The following CAMTA1 variants were observed in gnomAD, a reference collection of about 807,000 sequenced individuals.
CAMTA1 encodes calmodulin binding transcription activator 1.
CAMTA1 carries 27 observed loss-of-function variants against 170.9 expected under a neutral mutation model. That is an observed-to-expected ratio of 0.16 (90% confidence interval 0.12 to 0.22). The LOEUF (loss-of-function observed/expected upper bound fraction) is 0.22, where lower values mean the gene tolerates loss of function less well. CAMTA1 is among the 10% of genes least tolerant of loss of function. The pLI is 1.00. For missense variants in CAMTA1, 1,619 were observed against 2,217.2 expected, an observed-to-expected ratio of 0.73 and a Z score of 5.42; for synonymous variants, 833 against 891.5, an observed-to-expected ratio of 0.93 and a Z score of 1.17.
intron 6 of CAMTA1, among the ~76,000 whole-genome samples, chr1:7,554,799 C>T (rs2094853845): frequency 6.6e-6 from 1 of 151,812 alleles, no homozygotes; most frequent in Non-Finnish European, 1.5e-5. Flanking sequence ...CTTATCTTGG[C>T]TTGCTTCATC....
At chr1:7,125,879 G>T (rs946129250) in intron 4 of CAMTA1, among the ~76,000 whole-genome samples, 1 of 152,174 alleles carries the variant, frequency 6.6e-6, no homozygotes, top group Admixed American at 6.5e-5. Context: ...AAGCCCCAAC[G>T]CCCAGTGTGT....
At chr1:6,906,938 C>T (rs571449352) in intron 3 of CAMTA1, among the ~76,000 whole-genome samples, 8 of 152,292 alleles carry the variant, frequency 5.3e-5, no homozygotes, top group South Asian at 2.1e-4. Context: ...AGTTGTGACC[C>T]GCTGTAGAGG....
rs767547953 is a variant in CAMTA1 at position 7,050,561 on chromosome 1, C to T, written c.235-40743C>T. Among the ~76,000 whole-genome samples, 3 of 152,172 alleles carry T rather than the reference C, an allele frequency of 2.0e-5. No individual in the cohort carries two copies. The highest frequency in any genetic ancestry group is 4.4e-5 in the Non-Finnish European group (3 of 68,038). On this transcript the variant is annotated intron_variant, in intron 3 of 22. Coordinates refer to ENST00000303635, the MANE Select transcript of CAMTA1 (RefSeq NM_015215.4). The surrounding 1 kb of genome is among the most constrained non-coding windows in gnomAD (Gnocchi z 4.8). ...GGGGTAGACTTCAGACTTCTGCAAA[C>T]GTCACCTGGCAGTGCCCAGTTGAGA...
chr1:7,053,045 A>C (rs1429267004), intron 3 of CAMTA1, among the ~76,000 whole-genome samples: 3 of 152,154 alleles, frequency 2.0e-5, no homozygotes, highest in African/African-American at 7.2e-5. Flanking sequence ...AGGGAATGGG[A>C]AAGAGCGGAC....
At chr1:7,526,532 G>C (rs1227197931) in intron 6 of CAMTA1, among the ~76,000 whole-genome samples, 1 of 152,204 alleles carries the variant, frequency 6.6e-6, no homozygotes, top group Non-Finnish European at 1.5e-5. Context: ...TGGCCTCGTC[G>C]GGGTTCAGAA....
chr1:7,431,385 T>G (rs2092145471), intron 5 of CAMTA1, among the ~76,000 whole-genome samples: 1 of 152,206 alleles, frequency 6.6e-6, no homozygotes, highest in Non-Finnish European at 1.5e-5. Flanking sequence ...CGACTGACCC[T>G]ACCCCAGAGG....
chr1:7,357,712 C>T (rs1438265660), intron 5 of CAMTA1, among the ~76,000 whole-genome samples: 1 of 152,168 alleles, frequency 6.6e-6, no homozygotes, highest in East Asian at 1.9e-4. Context: ...ATACAGATGT[C>T]CTCGTCCATG....
intron 5 of CAMTA1, among the ~76,000 whole-genome samples, chr1:7,373,584 G>A (rs916166127): frequency 2.0e-5 from 3 of 152,264 alleles, no homozygotes; most frequent in Non-Finnish European, 4.4e-5. Context: ...GAGGAGCCAA[G>A]AGACAACAGG....
intron 4 of CAMTA1, among the ~76,000 whole-genome samples, chr1:7,148,561 TG>T (rs1646380552): frequency 6.6e-6 from 1 of 151,638 alleles, no homozygotes; most frequent in East Asian, 1.9e-4. Context: ...ATGGGGGGAG[TG>T]GGTCCAGTCC....
intron 4 of CAMTA1, among the ~76,000 whole-genome samples, chr1:7,231,350 T>A (rs6666364): frequency 0.54 from 75,329 of 140,774 alleles, 20,758 homozygotes; most frequent in South Asian, 0.61. Flanking sequence ...TGTGTGTGTG[T>A]GAGAGAGAGA....
chr1:7,686,606 A>C (rs1031141944), intron 11 of CAMTA1, among the ~76,000 whole-genome samples: 17 of 152,142 alleles, frequency 1.1e-4, no homozygotes, highest in African/African-American at 4.1e-4. Flanking sequence ...TTCTGAGGTC[A>C]GTGGGGAGCC....
intron 11 of CAMTA1, among the ~76,000 whole-genome samples, chr1:7,688,011 C>CTTTTTTTT (rs70987364): frequency 0.16 from 15,963 of 101,382 alleles, 1,581 homozygotes; most frequent in Non-Finnish European, 0.21. Context: ...CTCATTATTC[C>CTTTTTTTT]TTTTTTTTTT....
intron 1 of CAMTA1, among the ~76,000 whole-genome samples, chr1:6,792,008 C>T (rs1202840461): frequency 6.6e-6 from 1 of 151,142 alleles, no homozygotes; most frequent in East Asian, 1.9e-4. Flanking sequence ...TGCTTTGTTG[C>T]CCAGGCACGA....
chr1:6,812,219 G>A (rs1158376201), intron 1 of CAMTA1, among the ~76,000 whole-genome samples: 1 of 152,184 alleles, frequency 6.6e-6, no homozygotes, highest in Non-Finnish European at 1.5e-5. Flanking sequence ...GTGTTTTCTT[G>A]TGGAAATCAC....
intron 6 of CAMTA1, among the ~76,000 whole-genome samples, chr1:7,493,957 G>T (rs2093783201): frequency 1.3e-5 from 2 of 152,098 alleles, no homozygotes; most frequent in Admixed American, 1.3e-4. Flanking sequence ...GGCTCAGCAG[G>T]CCACCCGCCG....
chr1:7,693,438 C>T (rs1415561795), intron 11 of CAMTA1: 1 of 152,172 alleles, frequency 6.6e-6, no homozygotes, highest in Non-Finnish European at 1.5e-5. Context: ...CAGTTAGCCA[C>T]CTGTCAAGTT....
At chr1:6,986,394 G>A (rs1167490723) in intron 3 of CAMTA1, among the ~76,000 whole-genome samples, 2 of 152,194 alleles carry the variant, frequency 1.3e-5, no homozygotes, top group African/African-American at 4.8e-5. Flanking sequence ...TTTGGGGAGG[G>A]CTCACTGGGC....
At chr1:6,974,975 T>C (rs1043892831) in intron 3 of CAMTA1, among the ~76,000 whole-genome samples, 2 of 152,228 alleles carry the variant, frequency 1.3e-5, no homozygotes, top group African/African-American at 4.8e-5. Context: ...CTGACGAGTT[T>C]ACAAGATACA....
intron 11 of CAMTA1, among the ~76,000 whole-genome samples, chr1:7,701,679 TA>T (rs1457242291): frequency 3.9e-5 from 6 of 152,034 alleles, no homozygotes; most frequent in African/African-American, 1.4e-4. Context: ...CTCAGCCTCC[TA>T]AAAGTACTGG....
Sources: allele counts gnomAD v4.1 joint callset (sites outside exome capture counted in the v4.1 genomes callset), GRCh38; gene constraint gnomAD v4.1.1; non-coding constraint Gnocchi (gnomAD v3.1); transcripts MANE v1.5; gene names NCBI Gene and HGNC (gene_info 2026-07-23, HGNC 2026-07-21).